STXBP4: variants seen among roughly 807,000 people sequenced by gnomAD.
STXBP4 encodes the protein syntaxin-binding protein 4.
Under a neutral mutation model 76.1 loss-of-function variants are expected in STXBP4, and 55 were observed. The observed-to-expected ratio is 0.72, with a 90% CI of 0.58 to 0.91. The LOEUF (loss-of-function observed/expected upper bound fraction) is 0.91, where lower values mean the gene tolerates loss of function less well. Among genes scored for constraint, STXBP4 ranks in the 40% least tolerant of loss-of-function variants. The probability of loss-of-function intolerance (pLI) is 0.00; values close to 1 mark genes in which losing one functional copy is unlikely to be tolerated. For synonymous variants in STXBP4, 201 were observed against 220.2 expected (o/e 0.91, Z 0.77); for missense variants, 618 against 636.9 (o/e 0.97, Z 0.32).
At chr17:55,200,255 A>G in the STXBP4 span, among the ~76,000 whole-genome samples, 1 of 152,218 alleles carries the variant, frequency 6.6e-6, no homozygotes, top group African/African-American at 2.4e-5. Flanking sequence ...TATCTCTAAG[A>G]GTGACTTAAT....
chr17:55,052,363 G>A (rs1043411647), intron 12 of STXBP4, among the ~76,000 whole-genome samples: 2 of 152,132 alleles, frequency 1.3e-5, no homozygotes, highest in Admixed American at 1.3e-4. Context: ...GTACAGTAAT[G>A]TATTGCAGAC....
intron 8 of STXBP4, among the ~76,000 whole-genome samples, chr17:55,019,501 T>G (rs538382062): frequency 6.6e-6 from 1 of 152,320 alleles, no homozygotes; most frequent in Admixed American, 6.5e-5. Context: ...GGCGTATCTT[T>G]GTTTAGTCTT....
At chr17:55,032,118 C>T (rs2078519362) in intron 9 of STXBP4, among the ~76,000 whole-genome samples, 1 of 152,052 alleles carries the variant, frequency 6.6e-6, no homozygotes, top group African/African-American at 2.4e-5. Flanking sequence ...AGATATTTTG[C>T]ACATATATTC....
chr17:55,033,674 C>T (rs1469493052), intron 9 of STXBP4, among the ~76,000 whole-genome samples: 1 of 152,128 alleles, frequency 6.6e-6, no homozygotes, highest in Non-Finnish European at 1.5e-5. Flanking sequence ...TAACCTGTCT[C>T]AGCCTCAATT....
intron 8 of STXBP4, among the ~76,000 whole-genome samples, chr17:55,027,844 C>T (rs1469875485): frequency 2.0e-5 from 3 of 152,022 alleles, no homozygotes; most frequent in Admixed American, 2.0e-4. Flanking sequence ...GATATGAATC[C>T]AACAGTATTC....
chr17:55,206,432 C>A, the STXBP4 span, among the ~76,000 whole-genome samples: 1 of 152,162 alleles, frequency 6.6e-6, no homozygotes, highest in South Asian at 2.1e-4. Flanking sequence ...TCCTCTCTTG[C>A]CAGCACAGGC....
rs577983890 is a variant in STXBP4 at position 55,168,771 on chromosome 17, A to G, written c.*8860A>G. The G allele has an allele frequency of 5.9e-4, 90 of 152,276 alleles. No individual in the cohort carries two copies. The highest frequency in any genetic ancestry group is 1.9e-3 in the African/African-American group (79 of 41,546). The allele number at this position is 152,276 out of a possible 1,614,324, so 9.4% of individuals were successfully genotyped here. Reference sequence around the variant, plus strand: ...CCTCTCTGCCATCAGGATAAATAACATTTCTTAAAGGAATATTCTACTGCA... The same window carrying G: ...CCTCTCTGCCATCAGGATAAATAACGTTTCTTAAAGGAATATTCTACTGCA... On this transcript the variant is annotated 3_prime_UTR_variant, in exon 18 of 18. Coordinates refer to ENST00000376352, the MANE Select transcript of STXBP4 (RefSeq NM_178509.6).
At chr17:55,194,723 G>GT in the STXBP4 span, among the ~76,000 whole-genome samples, 1 of 152,182 alleles carries the variant, frequency 6.6e-6, no homozygotes, top group Non-Finnish European at 1.5e-5. Context: ...AAGAGGCAAG[G>GT]CCATACCTGA....
intron 7 of STXBP4, among the ~76,000 whole-genome samples, chr17:55,003,392 AAGTGCATCAACTC>A (rs1292706039): frequency 2.2e-4 from 33 of 152,316 alleles, no homozygotes; most frequent in African/African-American, 7.2e-4. Context: ...CTAGAGTAGA[AAGTGCATCAACTC>A]AGTCTCATTT....
the STXBP4 span, among the ~76,000 whole-genome samples, chr17:55,198,037 T>C: frequency 1.3e-5 from 2 of 152,212 alleles, no homozygotes; most frequent in Non-Finnish European, 2.9e-5. Flanking sequence ...GAGTAGCGGC[T>C]CAAGGGCCTG....
At chr17:55,188,271 G>A in the STXBP4 span, among the ~76,000 whole-genome samples, 3 of 152,160 alleles carry the variant, frequency 2.0e-5, no homozygotes, top group South Asian at 2.1e-4. Context: ...TGTAACTCAC[G>A]GTAAGTTGCT....
intron 12 of STXBP4, among the ~76,000 whole-genome samples, chr17:55,052,987 T>TAA (rs71361753): frequency 0.29 from 38,285 of 133,544 alleles, 5,896 homozygotes; most frequent in African/African-American, 0.34. Context: ...GCTATTTTCT[T>TAA]AAAAAAAAAA....
In STXBP4 at chr17:55,165,129, C is replaced by T. The variant is rs1439022827; in HGVS notation, c.*5218C>T. On this transcript the variant is annotated 3_prime_UTR_variant, in exon 18 of 18. Coordinates refer to ENST00000376352, the MANE Select transcript of STXBP4 (RefSeq NM_178509.6). ...TGTGATATCAGAAAGCAGAAAAAAGCATGTTCTTTTGCATTTCAAAAATTT... is the reference window on the plus strand; with the variant it reads ...TGTGATATCAGAAAGCAGAAAAAAGTATGTTCTTTTGCATTTCAAAAATTT... 3.3e-5 allele frequency: 5 copies of T among 152,144 alleles called. No individual in the cohort carries two copies. Among genetic ancestry groups the T allele is most frequent in the African/African-American group, 1.2e-4 (5 of 41,432 alleles). The allele number at this position is 152,144 out of a possible 1,614,324, so 9.4% of individuals were successfully genotyped here.
chr17:55,114,750 A>G (rs1404258599), intron 16 of STXBP4, among the ~76,000 whole-genome samples: 10 of 151,972 alleles, frequency 6.6e-5, no homozygotes, highest in Non-Finnish European at 1.5e-4. Context: ...TGGTCATAAA[A>G]GATAGAATAC....
chr17:55,007,893 G>T (rs1445175554), intron 8 of STXBP4, among the ~76,000 whole-genome samples: 1 of 152,070 alleles, frequency 6.6e-6, no homozygotes, highest in Non-Finnish European at 1.5e-5. Flanking sequence ...TAGAATAAAT[G>T]GAAAGATGTA....
At position 55,164,489 on chromosome 17, in the gene STXBP4, G is replaced by A. The variant is rs1463834414; in HGVS notation, c.*4578G>A. 1 of 128,302 alleles carries A rather than the reference G, an allele frequency of 7.8e-6. No individual in the cohort carries two copies. The allele number at this position is 128,302 out of a possible 1,614,324, so 7.9% of individuals were successfully genotyped here. A position where few individuals can be genotyped will look rare whatever the true frequency, so the allele number is the denominator to read the frequency against. On this transcript the variant is annotated 3_prime_UTR_variant, in exon 18 of 18. Transcript: ENST00000376352. The stretch of plus-strand genomic sequence containing the variant: ...GACGGAGTCTCGCTCTGTCGCCCAG[G>A]CGGGACTGCGGACTGCAGCGGCGCA...
At chr17:55,076,036 T>C (rs1379495344) in intron 13 of STXBP4, among the ~76,000 whole-genome samples, 1 of 152,148 alleles carries the variant, frequency 6.6e-6, no homozygotes, top group Non-Finnish European at 1.5e-5. Flanking sequence ...ATTAGTTGTC[T>C]TTTTCATGTA....
intron 16 of STXBP4, among the ~76,000 whole-genome samples, chr17:55,105,569 A>G (rs1305766256): frequency 1.3e-5 from 2 of 149,314 alleles, no homozygotes; most frequent in East Asian, 3.9e-4. Context: ...CCGGGTTCAT[A>G]CACCATTCTC....
intron 3 of STXBP4, among the ~76,000 whole-genome samples, chr17:54,989,637 C>A (rs1034562008): frequency 1.3e-5 from 2 of 152,088 alleles, no homozygotes; most frequent in African/African-American, 4.8e-5. Flanking sequence ...AATTAAATGT[C>A]ATTATTTAGG....
Sources: allele counts gnomAD v4.1 joint callset (sites outside exome capture counted in the v4.1 genomes callset), GRCh38; gene constraint gnomAD v4.1.1; transcripts MANE v1.5; gene names NCBI Gene and HGNC (gene_info 2026-07-23, HGNC 2026-07-21).